The following PBX3 variants were observed in gnomAD, a reference collection of about 807,000 sequenced individuals.
PBX3 encodes PBX homeobox 3, also known as pre-B-cell leukemia transcription factor 3.
Under a neutral mutation model 48.5 loss-of-function variants are expected in PBX3, and 14 were observed. That is an observed-to-expected ratio of 0.29 (90% CI 0.19 to 0.45). The LOEUF (loss-of-function observed/expected upper bound fraction) is 0.45. Among genes scored for constraint, PBX3 ranks in the 20% least tolerant of loss-of-function variants. The probability of loss-of-function intolerance (pLI) is 1.00; values close to 1 mark genes in which losing one functional copy is unlikely to be tolerated. For synonymous variants in PBX3, 210 were observed against 200.3 expected (o/e 1.05, Z -0.41); for missense variants, 386 against 546.7 (o/e 0.71, Z 2.93).
At chr9:125,770,146 A>G (rs1422047328) in intron 2 of PBX3, among the ~76,000 whole-genome samples, 1 of 152,290 alleles carries the variant, frequency 6.6e-6, no homozygotes, top group Non-Finnish European at 1.5e-5. Flanking sequence ...TGTATTTAAC[A>G]TATTTCTGAA....
intron 2 of PBX3, among the ~76,000 whole-genome samples, chr9:125,884,475 G>A (rs763689151): frequency 3.9e-5 from 6 of 152,176 alleles, no homozygotes; most frequent in Non-Finnish European, 7.3e-5. Flanking sequence ...CAATTATGAA[G>A]CAGATAATGT....
chr9:125,747,792 C>G, intron 1 of PBX3, 139 bp downstream of exon 1: 1 of 607,718 alleles, frequency 1.6e-6, no homozygotes, highest in African/African-American at 2.0e-5. Context: ...CCGCCCGCCC[C>G]GGCCTCGGGG....
At chr9:125,879,282 T>C (rs1165690377) in intron 2 of PBX3, among the ~76,000 whole-genome samples, 1 of 152,046 alleles carries the variant, frequency 6.6e-6, no homozygotes, top group Non-Finnish European at 1.5e-5. Context: ...TTTCACCATA[T>C]TGGCCAACCT....
chr9:125,777,810 T>C lies in PBX3; in HGVS notation c.274+29187T>C, dbSNP rs1334943694. On this transcript the variant is annotated intron_variant, in intron 2 of 8. Coordinates refer to ENST00000373489, the MANE Select transcript of PBX3 (RefSeq NM_006195.6). ...TTCTTCTGGAATCTCTTAAGGTAAT[T>C]TGTGTGTTTCAAGGAATTTGCTCAT... is the stretch of plus-strand genomic sequence containing the variant. Among the ~76,000 whole-genome samples the C allele has an allele frequency of 3.3e-5, 5 of 152,156 alleles. No homozygotes were observed. The South Asian group carries it at 6.2e-4, about 19-fold the overall frequency.
intron 2 of PBX3, among the ~76,000 whole-genome samples, chr9:125,863,978 A>G (rs1056318402): frequency 1.3e-5 from 2 of 152,210 alleles, no homozygotes; most frequent in Non-Finnish European, 2.9e-5. Flanking sequence ...AACGATGGGG[A>G]GAATGGCTTA....
chr9:125,826,299 C>T (rs2132174779), intron 2 of PBX3, among the ~76,000 whole-genome samples: 1 of 152,210 alleles, frequency 6.6e-6, no homozygotes, highest in South Asian at 2.1e-4. Context: ...ATTTACTATT[C>T]TCATATCTTG....
At chr9:125,835,682 A>T (rs997441872) in intron 2 of PBX3, among the ~76,000 whole-genome samples, 6 of 152,246 alleles carry the variant, frequency 3.9e-5, no homozygotes, top group Non-Finnish European at 7.3e-5. Context: ...CATCCCAGTT[A>T]AAACAGCTTT....
At chr9:125,910,572 G>T (rs965975654) in intron 2 of PBX3, among the ~76,000 whole-genome samples, 1 of 151,782 alleles carries the variant, frequency 6.6e-6, no homozygotes, top group African/African-American at 2.4e-5. Context: ...GCATTGCCGT[G>T]TTATATTTAA....
chr9:125,876,421 C>T (rs1303553515), intron 2 of PBX3, among the ~76,000 whole-genome samples: 1 of 152,196 alleles, frequency 6.6e-6, no homozygotes, highest in Admixed American at 6.5e-5. Context: ...TCCTCTTCCT[C>T]CTCCTCCCCT....
At chr9:125,930,981 C>A (rs920665018) in intron 4 of PBX3, among the ~76,000 whole-genome samples, 10 of 152,080 alleles carry the variant, frequency 6.6e-5, no homozygotes, top group East Asian at 1.9e-4. Flanking sequence ...TTTTATTATT[C>A]TTTTTTCTAT....
chr9:125,876,158 C>T (rs1480360189), intron 2 of PBX3, among the ~76,000 whole-genome samples: 5 of 152,132 alleles, frequency 3.3e-5, no homozygotes, highest in South Asian at 2.1e-4. Context: ...CTTTAGGATG[C>T]CTTCCTCCTC....
chr9:125,803,559 A>G (rs1304027307), intron 2 of PBX3, among the ~76,000 whole-genome samples: 1 of 152,004 alleles, frequency 6.6e-6, no homozygotes, highest in South Asian at 2.1e-4. Flanking sequence ...TGGGCCATTT[A>G]TTTTTTAGAA....
intron 2 of PBX3, among the ~76,000 whole-genome samples, chr9:125,870,873 T>C (rs1840105209): frequency 1.3e-5 from 2 of 152,284 alleles, no homozygotes; most frequent in South Asian, 4.1e-4. Context: ...AGTCTTATAA[T>C]ACCAAGTTTT....
chr9:125,948,068 G>T (rs1013391809), intron 5 of PBX3, among the ~76,000 whole-genome samples: 8 of 152,210 alleles, frequency 5.3e-5, no homozygotes, highest in African/African-American at 1.9e-4. Flanking sequence ...ATGATCTGGA[G>T]AGCTGTTAGA....
chr9:125,808,282 A>T (rs1000159345), intron 2 of PBX3, among the ~76,000 whole-genome samples: 8 of 152,204 alleles, frequency 5.3e-5, no homozygotes, highest in African/African-American at 1.9e-4. Context: ...GCATCTAAAA[A>T]ATTATTACTT....
intron 3 of PBX3, among the ~76,000 whole-genome samples, chr9:125,928,392 A>ATGTGTGTGTGTGTGTGTG (rs112869741): frequency 5.5e-4 from 77 of 140,274 alleles, no homozygotes; most frequent in African/African-American, 2.0e-3. Context: ...GGGGAAACAA[A>ATGTGTGTGTGTGTGTGTG]TGTGTGTGTG....
Position 125,867,149 on chromosome 9 carries a change from CAA to C in PBX3, c.275-48535_275-48534del, listed in dbSNP as rs201435091. On this transcript the variant is annotated intron_variant, in intron 2 of 8. Coordinates refer to ENST00000373489, the MANE Select transcript of PBX3 (RefSeq NM_006195.6). ...TGAGAAGTGTAGTTTAACAAGCACA[CAA>C]ATGATGCATTTCACCCTACATTGAT... 9.1e-3 allele frequency among the ~76,000 whole-genome samples: 1,385 copies of C among 152,040 alleles called. 29 individuals are homozygous for C. Among genetic ancestry groups the C allele is most frequent in the African/African-American group, 0.031 (1,299 of 41,444 alleles).
chr9:125,834,857 A>G (rs952076370), intron 2 of PBX3, among the ~76,000 whole-genome samples: 1 of 150,508 alleles, frequency 6.6e-6, no homozygotes, highest in Non-Finnish European at 1.5e-5. Context: ...CTCTACCAAA[A>G]ATACAAAAAA....
intron 3 of PBX3, among the ~76,000 whole-genome samples, chr9:125,926,684 G>A (rs1841585097): frequency 1.3e-5 from 2 of 152,100 alleles, no homozygotes; most frequent in South Asian, 2.1e-4. Context: ...CCCGGGCATG[G>A]TGGCACACGC....
Sources: allele counts gnomAD v4.1 joint callset (sites outside exome capture counted in the v4.1 genomes callset), GRCh38; gene constraint gnomAD v4.1.1; transcripts MANE v1.5; gene names NCBI Gene and HGNC (gene_info 2026-07-23, HGNC 2026-07-21).